The following PPME1 variants were observed in gnomAD, a reference collection of about 807,000 sequenced individuals.
The protein encoded by PPME1 is testicular secretory protein Li 39.
A neutral mutation model predicts 56.9 loss-of-function variants in PPME1; 17 were observed. The observed-to-expected ratio is 0.30, with a 90% CI of 0.20 to 0.45. PPME1 has a LOEUF of 0.45. Ranked by LOEUF, PPME1 falls within the 20% of genes least tolerant of loss-of-function variation. PPME1 has a pLI of 1.00. For missense variants in PPME1, 357 were observed against 483.2 expected (o/e 0.74, Z 2.45); for synonymous variants, 122 against 156.2 (o/e 0.78, Z 1.63).
chr11:74,209,464 G>C (rs1423794416), intron 3 of PPME1, among the ~76,000 whole-genome samples: 1 of 152,056 alleles, frequency 6.6e-6, no homozygotes, highest in Admixed American at 6.5e-5. Context: ...CATATTTTAG[G>C]CATGTCAAAA....
intron 8 of PPME1, chr11:74,238,243 T>C (rs1859247599): frequency 6.6e-6 from 1 of 152,058 alleles, no homozygotes; most frequent in Non-Finnish European, 1.5e-5. Context: ...ATAAAACACC[T>C]ACTTAACAAA....
intron 5 of PPME1, among the ~76,000 whole-genome samples, chr11:74,225,602 A>G (rs1858914575): frequency 6.6e-6 from 1 of 152,186 alleles, no homozygotes; most frequent in African/African-American, 2.4e-5. Context: ...AAGTAGTTGT[A>G]TGCAAGAGGC....
intron 1 of PPME1, among the ~76,000 whole-genome samples, chr11:74,173,700 C>T (rs1857340739): frequency 6.6e-6 from 1 of 152,134 alleles, no homozygotes; most frequent in African/African-American, 2.4e-5. Flanking sequence ...CACCACCACG[C>T]CCGGCTAATT....
chr11:74,188,811 A>G (rs767156324), intron 1 of PPME1, among the ~76,000 whole-genome samples: 1 of 152,218 alleles, frequency 6.6e-6, no homozygotes, highest in African/African-American at 2.4e-5. Flanking sequence ...TGTGCAGTCA[A>G]ATAATTGTTT....
chr11:74,242,473 A>T (rs1859386775), intron 9 of PPME1, among the ~76,000 whole-genome samples: 1 of 152,190 alleles, frequency 6.6e-6, no homozygotes, highest in Admixed American at 6.5e-5. Flanking sequence ...TTTTTTAAAA[A>T]TTTTAATACT....
intron 9 of PPME1, 128 bp downstream of exon 9, chr11:74,239,384 C>A: frequency 7.3e-7 from 1 of 1,378,348 alleles, no homozygotes; most frequent in Non-Finnish European, 9.6e-7. Context: ...AAGACACTAT[C>A]ATAAGAGATA....
rs1280055258 is a variant in PPME1, at chr11:74,191,719, C to G, written c.102-12009C>G. Among the ~76,000 whole-genome samples, 5 of 152,348 alleles carry G rather than the reference C, an allele frequency of 3.3e-5. No homozygotes were observed. The East Asian group carries it at 9.7e-4, about 29-fold the overall frequency. On this transcript the variant is annotated intron_variant, in intron 1 of 13. Coordinates refer to ENST00000328257, the MANE Select transcript of PPME1 (RefSeq NM_016147.3). ...CCCAGGCACAGCTTGGGCCGCTGCTCTAGAGGGCACAAGCACTGTAAGCCT... is the reference window on the plus strand; with the variant it reads ...CCCAGGCACAGCTTGGGCCGCTGCTGTAGAGGGCACAAGCACTGTAAGCCT...
intron 9 of PPME1, among the ~76,000 whole-genome samples, chr11:74,239,801 C>G (rs909843700): frequency 6.6e-6 from 1 of 151,758 alleles, no homozygotes; most frequent in Admixed American, 6.6e-5. Context: ...AGGATGGTCT[C>G]AATCTCCTGA....
intron 9 of PPME1, chr11:74,243,544 G>A (rs186272818): frequency 7.1e-4 from 108 of 152,196 alleles, no homozygotes; most frequent in African/African-American, 2.5e-3. Flanking sequence ...ATGGCAGTAA[G>A]TGTTTCCTTT....
In PPME1 at chr11:74,236,135, C is replaced by A. The variant is rs187758359; in HGVS notation, c.710+169C>A. The A allele has an allele frequency of 1.2e-4, 138 of 1,129,434 alleles. 1 individual carries two copies. The East Asian group carries it at 3.1e-3, about 26-fold the overall frequency. 70.0% of individuals were successfully genotyped at this position (1,129,434 alleles called of 1,614,324 possible). On this transcript the variant is annotated intron_variant, in intron 8 of 13. Transcript: ENST00000328257. ...TGGGACAGACATAGATTTTCTTTCGCCTGCCTTCCTTTCTCTCCTTCCTTT... is the reference window on the plus strand; with the variant it reads ...TGGGACAGACATAGATTTTCTTTCGACTGCCTTCCTTTCTCTCCTTCCTTT...
At chr11:74,214,776 A>T (rs1858583433) in intron 3 of PPME1, among the ~76,000 whole-genome samples, 1 of 152,174 alleles carries the variant, frequency 6.6e-6, no homozygotes, top group African/African-American at 2.4e-5. Flanking sequence ...TCCCAGACAC[A>T]CAAAAGCTGG....
chr11:74,191,226 G>T (rs763701046), intron 1 of PPME1, among the ~76,000 whole-genome samples: 5 of 152,212 alleles, frequency 3.3e-5, no homozygotes, highest in Non-Finnish European at 7.3e-5. Context: ...AGTAGTCCCA[G>T]CTAGTCCAGA....
intron 1 of PPME1, among the ~76,000 whole-genome samples, chr11:74,192,248 T>C (rs1421786381): frequency 6.6e-6 from 1 of 152,226 alleles, no homozygotes; most frequent in Admixed American, 6.5e-5. Context: ...CAGACTTTCA[T>C]AGGGCTTGTA....
chr11:74,182,838 G>A (rs1857575813), intron 1 of PPME1, among the ~76,000 whole-genome samples: 1 of 152,074 alleles, frequency 6.6e-6, no homozygotes, highest in Admixed American at 6.6e-5. Flanking sequence ...GGTGGGTTGA[G>A]CAACATTCCT....
chr11:74,245,989 C>T (rs1591068558), intron 9 of PPME1, 87 bp from the exon 10 acceptor site: 1 of 1,457,406 alleles, frequency 6.9e-7, no homozygotes, highest in South Asian at 1.4e-5. Context: ...AGTTTCCTTC[C>T]CTTTCCTTTT....
chr11:74,248,359 CCTCT>C (rs1407253940), intron 11 of PPME1: 2 of 152,248 alleles, frequency 1.3e-5, no homozygotes, highest in Admixed American at 1.3e-4. Context: ...CCACCTCACC[CCTCT>C]CTCCTGAGAT....
chr11:74,241,124 T>C (rs893138042), intron 9 of PPME1, among the ~76,000 whole-genome samples: 1 of 152,182 alleles, frequency 6.6e-6, no homozygotes, highest in African/African-American at 2.4e-5. Flanking sequence ...TTAAGGAGTG[T>C]CCATGAGAAT....
chr11:74,223,459 G>A (rs1473393189), intron 4 of PPME1, among the ~76,000 whole-genome samples: 2 of 140,884 alleles, frequency 1.4e-5, no homozygotes, highest in Non-Finnish European at 3.0e-5. Flanking sequence ...TATATACCCA[G>A]TAGTGGGATG....
chr11:74,229,338 A>G (rs749838772), intron 5 of PPME1, among the ~76,000 whole-genome samples: 2 of 152,154 alleles, frequency 1.3e-5, no homozygotes, highest in Admixed American at 6.5e-5. Context: ...CTAAAAATAT[A>G]TATATATAAT....
Sources: allele counts gnomAD v4.1 joint callset (sites outside exome capture counted in the v4.1 genomes callset), GRCh38; gene constraint gnomAD v4.1.1; transcripts MANE v1.5; gene names NCBI Gene and HGNC (gene_info 2026-07-23, HGNC 2026-07-21).